CCDC102B: variants seen among roughly 807,000 people sequenced by gnomAD.
CCDC102B encodes the protein coiled-coil domain containing 102B, also known as coiled-coil domain-containing protein 102B.
CCDC102B carries 75 observed loss-of-function variants against 57.4 expected under a neutral mutation model. The ratio of observed to expected loss-of-function variants is 1.31; its 90% CI spans 1.08 to 1.58. The LOEUF is 1.58. CCDC102B is among the 40% of genes most tolerant of loss of function. The pLI is 0.00. For missense variants in CCDC102B, 636 were observed against 582.6 expected, an observed-to-expected ratio of 1.09 and a Z score of -0.94; for synonymous variants, 206 against 201.9, an observed-to-expected ratio of 1.02 and a Z score of -0.17.
At chr18:68,772,692 T>C (rs981431277) in intron 2 of CCDC102B, among the ~76,000 whole-genome samples, 3 of 152,184 alleles carry the variant, frequency 2.0e-5, no homozygotes, top group African/African-American at 7.2e-5. Flanking sequence ...TATGTTTACT[T>C]GGAAATTGAA....
At chr18:68,759,255 A>G (rs192712798) in intron 2 of CCDC102B, among the ~76,000 whole-genome samples, 10 of 152,228 alleles carry the variant, frequency 6.6e-5, no homozygotes, top group Admixed American at 6.6e-4. Context: ...AGACTTGTGG[A>G]GCCAGCTAAT....
intron 6 of CCDC102B, among the ~76,000 whole-genome samples, chr18:68,949,281 A>G (rs1466189514): frequency 1.3e-5 from 2 of 152,144 alleles, no homozygotes; most frequent in Non-Finnish European, 2.9e-5. Flanking sequence ...AATATTAACC[A>G]TCACAGCTGG....
At chr18:68,787,072 T>TC (rs765577508) in intron 2 of CCDC102B, among the ~76,000 whole-genome samples, 9,864 of 151,180 alleles carry the variant, frequency 0.065, 396 homozygotes, top group Non-Finnish European at 0.091. Context: ...CTTTTCTGCA[T>TC]CTATTGAGAT....
At chr18:68,835,235 C>A (rs572381102) in intron 1 of CCDC102B, among the ~76,000 whole-genome samples, 1 of 152,052 alleles carries the variant, frequency 6.6e-6, no homozygotes, top group African/African-American at 2.4e-5. Context: ...ATTTTAATTC[C>A]TTTACAAAGC....
In CCDC102B at chr18:69,052,729, G is replaced by A. The variant is rs187722204; in HGVS notation, c.1435-1301G>A. Among the ~76,000 whole-genome samples, 32 of 151,716 alleles carry A rather than the reference G, an allele frequency of 2.1e-4. No individual in the cohort carries two copies. The East Asian group carries it at 6.2e-3, about 30-fold the overall frequency. ...GCGTTGCTATATATCTACCCAGTTG[G>A]CCCTCCATATCCACGGATTCCACAT... On this transcript the variant is annotated intron_variant, in intron 7 of 7. Transcript: ENST00000360242.
At chr18:68,974,467 TTAA>T (rs1198377321) in intron 6 of CCDC102B, among the ~76,000 whole-genome samples, 1 of 152,058 alleles carries the variant, frequency 6.6e-6, no homozygotes, top group Non-Finnish European at 1.5e-5. Flanking sequence ...AGATATTATT[TTAA>T]TATTATTTTA....
At chr18:68,727,946 T>G (rs309232) in intron 2 of CCDC102B, among the ~76,000 whole-genome samples, 16,885 of 152,258 alleles carry the variant, frequency 0.11, 2,496 homozygotes, top group African/African-American at 0.33. Flanking sequence ...ACAATAAAGA[T>G]ACCCCTGTCT....
At chr18:68,785,983 TC>T (rs2035194326) in intron 2 of CCDC102B, among the ~76,000 whole-genome samples, 1 of 152,082 alleles carries the variant, frequency 6.6e-6, no homozygotes, top group African/African-American at 2.4e-5. Flanking sequence ...AGGTCTTTAA[TC>T]CATCTTGAAT....
chr18:68,927,958 A>G (rs2041532915), intron 6 of CCDC102B, among the ~76,000 whole-genome samples: 1 of 151,918 alleles, frequency 6.6e-6, no homozygotes, highest in South Asian at 2.1e-4. Flanking sequence ...TTTGAAGCAC[A>G]CAAAACGTTT....
chr18:68,728,130 C>T (rs2032684477), intron 2 of CCDC102B, among the ~76,000 whole-genome samples: 1 of 152,078 alleles, frequency 6.6e-6, no homozygotes, highest in Non-Finnish European at 1.5e-5. Context: ...GGAGGTCAAG[C>T]CATGCAATGA....
At chr18:68,732,677 T>C (rs577477542) in intron 2 of CCDC102B, among the ~76,000 whole-genome samples, 19 of 152,254 alleles carry the variant, frequency 1.2e-4, no homozygotes, top group African/African-American at 4.3e-4. Flanking sequence ...AAATGTCTCA[T>C]AGTGATCTTT....
At chr18:69,024,719 T>A (rs897542545) in intron 7 of CCDC102B, among the ~76,000 whole-genome samples, 2 of 151,964 alleles carry the variant, frequency 1.3e-5, no homozygotes, top group African/African-American at 2.4e-5. Context: ...ATATACAAAT[T>A]GGGCTAATTA....
At chr18:68,969,638 CAT>C (rs1212840079) in intron 6 of CCDC102B, among the ~76,000 whole-genome samples, 4 of 151,928 alleles carry the variant, frequency 2.6e-5, no homozygotes, top group Non-Finnish European at 4.4e-5. Context: ...AGTGATAAAA[CAT>C]ATGCCACAAA....
rs1568263219 is a variant in CCDC102B, at chr18:68,810,687, T to TA, written c.-16+12506_-16+12507insA. On this transcript the variant is annotated intron_variant, in intron 1 of 7. Coordinates refer to ENST00000360242, the MANE Select transcript of CCDC102B (RefSeq NM_024781.3). ...TTTTCTTTTCTTTTCTTTGTTTTTT[T>TA]TTTTTTTTTTTTTTTTTTTTATGCT... Among the ~76,000 whole-genome samples the TA allele has an allele frequency of 1.2e-3, 169 of 138,260 alleles. 1 individual carries two copies. The highest frequency in any genetic ancestry group is 4.6e-3 in the African/African-American group (164 of 35,738). The allele number at this position is 138,260 out of a possible 152,430, so 90.7% of individuals were successfully genotyped here.
chr18:68,802,665 T>C (rs2035896852), intron 1 of CCDC102B, among the ~76,000 whole-genome samples: 2 of 152,224 alleles, frequency 1.3e-5, no homozygotes, highest in African/African-American at 2.4e-5. Flanking sequence ...CCATTCATTG[T>C]CTATGGTTGG....
chr18:68,851,631 A>C (rs1304307361), intron 4 of CCDC102B, among the ~76,000 whole-genome samples: 3 of 152,220 alleles, frequency 2.0e-5, no homozygotes, highest in African/African-American at 7.2e-5. Context: ...AAATAAATGT[A>C]GGCTTTTCAG....
At chr18:68,729,664 G>A (rs1392241652) in intron 2 of CCDC102B, among the ~76,000 whole-genome samples, 1 of 152,090 alleles carries the variant, frequency 6.6e-6, no homozygotes, top group Non-Finnish European at 1.5e-5. Flanking sequence ...GTTCCAGCAA[G>A]AAAAAAGACA....
rs637539 is a variant in CCDC102B, at chr18:68,762,467, T to G, written c.-67+45873T>G. On this transcript the variant is annotated intron_variant, in intron 2 of 3. Coordinates refer to the CCDC102B transcript ENST00000578970. ...ACATTCCCACTCACTAGTCACTTAG[T>G]GGCCATGTGGATTATCAGATCGACT... Among the ~76,000 whole-genome samples the G allele has an allele frequency of 3.6e-3, 550 of 152,248 alleles. 2 individuals are homozygous for G. Among genetic ancestry groups the G allele is most frequent in the African/African-American group, 0.013 (521 of 41,554 alleles).
At chr18:68,731,654 G>A (rs1018618001) in intron 2 of CCDC102B, among the ~76,000 whole-genome samples, 7 of 150,122 alleles carry the variant, frequency 4.7e-5, no homozygotes, top group Admixed American at 4.7e-4. Flanking sequence ...AAACAATTTT[G>A]TATATGTATG....
Sources: allele counts gnomAD v4.1 joint callset (sites outside exome capture counted in the v4.1 genomes callset), GRCh38; gene constraint gnomAD v4.1.1; transcripts MANE v1.5; gene names NCBI Gene and HGNC (gene_info 2026-07-23, HGNC 2026-07-21).